PIWIL2: variants seen among roughly 807,000 people sequenced by gnomAD.
PIWIL2 encodes the protein piwi like RNA-mediated gene silencing 2.
Under a neutral mutation model 116.5 loss-of-function variants are expected in PIWIL2, and 81 were observed. The ratio of observed to expected loss-of-function variants is 0.70; its 90% CI spans 0.58 to 0.84. The LOEUF (loss-of-function observed/expected upper bound fraction) is 0.84. Among genes scored for constraint, PIWIL2 ranks in the 40% least tolerant of loss-of-function variants. PIWIL2 has a pLI of 0.00. For synonymous variants in PIWIL2, 489 were observed against 429.5 expected (o/e 1.14, Z -1.71); for missense variants, 1,272 against 1,212.3 (o/e 1.05, Z -0.73).
chr8:22,327,357 G>A (rs1339529952), intron 20 of PIWIL2, among the ~76,000 whole-genome samples: 1 of 142,212 alleles, frequency 7.0e-6, no homozygotes, highest in East Asian at 2.1e-4. Flanking sequence ...TTTTTGTGGG[G>A]TTTTTTGTTT....
At chr8:22,295,655 C>G (rs1425132049) in intron 10 of PIWIL2, among the ~76,000 whole-genome samples, 1 of 152,140 alleles carries the variant, frequency 6.6e-6, no homozygotes, top group Non-Finnish European at 1.5e-5. Context: ...CCCTTGTCCC[C>G]TGCAGCTGTT....
intron 20 of PIWIL2, among the ~76,000 whole-genome samples, chr8:22,337,800 A>G (rs1832014559): frequency 6.6e-6 from 1 of 151,864 alleles, no homozygotes; most frequent in Non-Finnish European, 1.5e-5. Flanking sequence ...TTGTTAAAGA[A>G]ATTGAAGATC....
intron 20 of PIWIL2, among the ~76,000 whole-genome samples, chr8:22,326,045 C>G (rs1027126567): frequency 6.6e-6 from 1 of 152,206 alleles, no homozygotes; most frequent in African/African-American, 2.4e-5. Flanking sequence ...AGAATAGATT[C>G]AGCCTATCTC....
chr8:22,290,875 G>A (rs1830745537), intron 10 of PIWIL2, among the ~76,000 whole-genome samples: 1 of 151,864 alleles, frequency 6.6e-6, no homozygotes, highest in Non-Finnish European at 1.5e-5. Context: ...GTTTAAATTT[G>A]TGGTTAGGAG....
intron 10 of PIWIL2, among the ~76,000 whole-genome samples, chr8:22,295,695 C>G (rs552564072): frequency 1.3e-5 from 2 of 152,246 alleles, no homozygotes; most frequent in Non-Finnish European, 2.9e-5. Context: ...ACCTTCGTTC[C>G]CTGTTCTTAT....
At chr8:22,281,587 CTAAGAA>C in intron 4 of PIWIL2, 72 bp downstream of exon 4, 1 of 1,257,888 alleles carries the variant, frequency 7.9e-7, no homozygotes, top group Non-Finnish European at 1.1e-6. Flanking sequence ...GAGAGCAACT[CTAAGAA>C]GAGTTGTGTC....
At position 22,309,947 on chromosome 8, in the gene PIWIL2, T is replaced by A. The variant is rs1324530046; in HGVS notation, c.1687-14T>A. 2 of 1,486,338 alleles carry A rather than the reference T, an allele frequency of 1.3e-6. No individual in the cohort carries two copies. Among genetic ancestry groups the A allele is most frequent in the African/African-American group, 2.8e-5 (2 of 72,424 alleles). 92.1% of individuals were successfully genotyped at this position (1,486,338 alleles called of 1,614,324 possible). ...GAAAAGGCTCATGTCATAGATGGTTTATTTTCTGTTTAGATTGAAGGACGT... is the reference window on the plus strand; with the variant it reads ...GAAAAGGCTCATGTCATAGATGGTTAATTTTCTGTTTAGATTGAAGGACGT... On this transcript the variant is annotated splice_polypyrimidine_tract_variant and intron_variant, in intron 14 of 22. Coordinates refer to ENST00000356766, the MANE Select transcript of PIWIL2 (RefSeq NM_018068.5).
intron 20 of PIWIL2, among the ~76,000 whole-genome samples, chr8:22,320,810 C>G (rs1003705605): frequency 2.0e-5 from 3 of 152,046 alleles, no homozygotes; most frequent in African/African-American, 7.2e-5. Context: ...CCAGGCTGGT[C>G]TCAAACTCCT....
intron 6 of PIWIL2, among the ~76,000 whole-genome samples, chr8:22,286,529 G>A (rs1830632284): frequency 1.3e-5 from 2 of 152,302 alleles, no homozygotes; most frequent in Non-Finnish European, 2.9e-5. Flanking sequence ...AGTGGCTCAC[G>A]TCTGTAATCC....
intron 20 of PIWIL2, among the ~76,000 whole-genome samples, chr8:22,332,955 C>A (rs1318865554): frequency 6.6e-6 from 1 of 151,746 alleles, no homozygotes; most frequent in African/African-American, 2.4e-5. Context: ...CCATCTAAAA[C>A]AAGAAAAAAA....
chr8:22,318,173 C>A lies in PIWIL2; in HGVS notation c.2301C>A (p.Thr767=). The part of the protein sequence containing the change: ...VVGFVASINL[T]LTKWYSRVVF... ...TCTCTGCTCACCCTGACCCTAGCAC[C>A]CTCACAAAATGGTATTCCCGGGTGG... The change falls in exon 20 of 23, where the codon ACC becomes ACA. Residue 767 remains threonine, a synonymous_variant. Coordinates refer to ENST00000356766, the MANE Select transcript of PIWIL2 (RefSeq NM_018068.5). The A allele has an allele frequency of 6.2e-7, 1 of 1,605,648 alleles. No homozygotes were observed. The highest frequency in any genetic ancestry group is 1.1e-5 in the South Asian group (1 of 90,888).
intron 5 of PIWIL2, among the ~76,000 whole-genome samples, chr8:22,283,518 C>T (rs1255958321): frequency 2.0e-5 from 3 of 152,240 alleles, no homozygotes; most frequent in African/African-American, 7.2e-5. Context: ...AAGCAATTCC[C>T]CTGCCTCAAC....
At chr8:22,325,504 G>A (rs202167264) in intron 20 of PIWIL2, among the ~76,000 whole-genome samples, 1 of 22,106 alleles carries the variant, frequency 4.5e-5, no homozygotes, top group East Asian at 1.9e-3. Context: ...TTTTTTTTTT[G>A]AGACAGTCTC....
chr8:22,290,915 T>C (rs1830746413), intron 10 of PIWIL2, among the ~76,000 whole-genome samples: 1 of 151,766 alleles, frequency 6.6e-6, no homozygotes, highest in Admixed American at 6.6e-5. Flanking sequence ...GCATGCTGAG[T>C]TTGCATATAA....
At chr8:22,330,557 C>G (rs58827517) in intron 20 of PIWIL2, among the ~76,000 whole-genome samples, 1 of 151,744 alleles carries the variant, frequency 6.6e-6, no homozygotes, top group South Asian at 2.1e-4. Flanking sequence ...ATTAGCTGGG[C>G]GTAGTGGCGG....
intron 1 of PIWIL2, among the ~76,000 whole-genome samples, chr8:22,276,739 A>G (rs533091035): frequency 6.6e-6 from 1 of 152,132 alleles, no homozygotes; most frequent in Non-Finnish European, 1.5e-5. Context: ...CGTCTCTACA[A>G]ATTTTTTTTA....
rs758891320 is a variant in PIWIL2 at position 22,352,971 on chromosome 8, C to A, written c.2416C>A (p.Leu806Ile). ...GCTGTCATTTCAGGTGAACCACTGT[C>A]TACCAGAGAAGATTGTGGTGTACCG... Reference protein sequence around the residue: ...LKKFYEVNHCLPEKIVVYRDG... With the variant: ...LKKFYEVNHCIPEKIVVYRDG... Residue 806 changes from leucine to isoleucine, a missense_variant, in exon 21 of 23, where the codon CTA becomes ATA. Physicochemically the swap from Leu to Ile is conservative, Grantham distance 5. Coordinates refer to ENST00000356766, the MANE Select transcript of PIWIL2 (RefSeq NM_018068.5). 16 of 1,612,688 alleles carry A rather than the reference C, an allele frequency of 9.9e-6. No homozygotes were observed. The highest frequency in any genetic ancestry group is 7.6e-6 in the Non-Finnish European group (9 of 1,179,046).
chr8:22,323,816 C>G (rs1411284034), intron 20 of PIWIL2, among the ~76,000 whole-genome samples: 5 of 152,182 alleles, frequency 3.3e-5, no homozygotes, highest in African/African-American at 4.8e-5. Context: ...ATATGTGCCA[C>G]TTAGGTTTGC....
intron 10 of PIWIL2, among the ~76,000 whole-genome samples, chr8:22,303,633 A>G (rs767941963): frequency 3.9e-5 from 6 of 152,008 alleles, no homozygotes; most frequent in Non-Finnish European, 7.4e-5. Flanking sequence ...GGCTCAAGCA[A>G]TCCTCCCACC....
Sources: gnomAD v4.1 joint callset for allele counts (sites outside exome capture counted in the v4.1 genomes callset) on GRCh38, gnomAD v4.1.1 for gene constraint, MANE v1.5 for transcripts, NCBI Gene and HGNC (gene_info 2026-07-23, HGNC 2026-07-21) for gene names.